CYP39A1: variants seen among roughly 807,000 people sequenced by gnomAD.
The protein encoded by CYP39A1 is cytochrome P450 family 39 subfamily A member 1.
CYP39A1 carries 49 observed loss-of-function variants against 58.1 expected under a neutral mutation model. The observed-to-expected ratio is 0.84, with a 90% CI of 0.67 to 1.07. The LOEUF is 1.07. Ranked by LOEUF, CYP39A1 falls within the 50% of genes least tolerant of loss-of-function variation. CYP39A1 has a pLI of 0.00. For synonymous variants in CYP39A1, 209 were observed against 187.6 expected (o/e 1.11, Z -0.93); for missense variants, 531 against 539.4 (o/e 0.98, Z 0.16).
chr6:46,625,190 A>G (rs1775235490), intron 7 of CYP39A1, among the ~76,000 whole-genome samples: 1 of 152,202 alleles, frequency 6.6e-6, no homozygotes, highest in Non-Finnish European at 1.5e-5. Context: ...CAATCTCTAT[A>G]GCACTGATTT....
intron 7 of CYP39A1, among the ~76,000 whole-genome samples, chr6:46,608,547 TACTC>T (rs941418461): frequency 1.1e-3 from 172 of 152,254 alleles, no homozygotes; most frequent in African/African-American, 4.0e-3. Flanking sequence ...ATAAAATATA[TACTC>T]ACTCTTACGG....
intron 10 of CYP39A1, among the ~76,000 whole-genome samples, chr6:46,569,415 A>G (rs1561955881): frequency 6.6e-6 from 1 of 152,084 alleles, no homozygotes; most frequent in East Asian, 1.9e-4. Context: ...TATGTCAAAT[A>G]CAAGTAGCAG....
chr6:46,641,776 A>C (rs1019982399), intron 2 of CYP39A1, among the ~76,000 whole-genome samples: 3 of 152,218 alleles, frequency 2.0e-5, no homozygotes, highest in African/African-American at 7.2e-5. Flanking sequence ...ATGGAATTCT[A>C]GTTTCAGGGA....
In CYP39A1 at chr6:46,623,836, T is replaced by C. The variant is rs143818796; in HGVS notation, c.931+1582A>G. On this transcript the variant is annotated intron_variant, in intron 7 of 11. Transcript: ENST00000275016. ...CTGAGCTGCTACTAGATCTTATGTATGGATTATTGAATAGCTTCTGTATAA... is the reference window on the plus strand; with the variant it reads ...CTGAGCTGCTACTAGATCTTATGTACGGATTATTGAATAGCTTCTGTATAA... Among the ~76,000 whole-genome samples the C allele has an allele frequency of 2.4e-4, 37 of 152,226 alleles. No homozygotes were observed. In the East Asian group the frequency reaches 7.0e-3, roughly 29 times the overall value.
At chr6:46,622,801 C>T (rs1294762997) in intron 7 of CYP39A1, among the ~76,000 whole-genome samples, 2 of 152,050 alleles carry the variant, frequency 1.3e-5, no homozygotes, top group Admixed American at 6.6e-5. Context: ...TGGGGCTAAG[C>T]AAGCATCTTC....
intron 10 of CYP39A1, among the ~76,000 whole-genome samples, chr6:46,582,495 A>G (rs1772190176): frequency 6.6e-6 from 1 of 151,848 alleles, no homozygotes; most frequent in South Asian, 2.1e-4. Flanking sequence ...TAAGCACTTA[A>G]TTTTTTTTCT....
In CYP39A1 at chr6:46,622,013, T is replaced by C. The variant is rs1337799261; in HGVS notation, c.931+3405A>G. Among the ~76,000 whole-genome samples, 23 of 152,082 alleles carry C rather than the reference T, an allele frequency of 1.5e-4. 1 individual carries two copies. The highest frequency in any genetic ancestry group is 1.5e-3 in the Admixed American group (23 of 15,266). On this transcript the variant is annotated intron_variant, in intron 7 of 11. Coordinates refer to ENST00000275016, the MANE Select transcript of CYP39A1 (RefSeq NM_016593.5). ...GCATGGATGCTTCAAGACCTGAAAA[T>C]CAATTAATGTAAAACATTATAATAT... is the stretch of plus-strand genomic sequence containing the variant.
intron 10 of CYP39A1, among the ~76,000 whole-genome samples, chr6:46,559,559 GA>G (rs1770855706): frequency 6.6e-6 from 1 of 152,154 alleles, no homozygotes; most frequent in Non-Finnish European, 1.5e-5. Flanking sequence ...TAGTGCAGTG[GA>G]AAGTAAAGAG....
intron 7 of CYP39A1, among the ~76,000 whole-genome samples, chr6:46,604,697 C>T (rs1348883576): frequency 6.6e-6 from 1 of 152,086 alleles, no homozygotes; most frequent in Non-Finnish European, 1.5e-5. Context: ...TAAGAACTGG[C>T]TTTGAGAATT....
intron 5 of CYP39A1, among the ~76,000 whole-genome samples, chr6:46,632,193 A>G (rs1182919780): frequency 6.6e-6 from 1 of 152,188 alleles, no homozygotes; most frequent in African/African-American, 2.4e-5. Flanking sequence ...GCGTATTCAG[A>G]GAGTTAAAGG....
At chr6:46,560,703 A>T (rs1256859546) in intron 10 of CYP39A1, among the ~76,000 whole-genome samples, 2 of 151,952 alleles carry the variant, frequency 1.3e-5, no homozygotes, top group Admixed American at 6.6e-5. Context: ...TATAAGAGTC[A>T]TCATTATTTA....
chr6:46,565,013 C>A (rs1365578772), intron 10 of CYP39A1, among the ~76,000 whole-genome samples: 1 of 152,142 alleles, frequency 6.6e-6, no homozygotes, highest in Non-Finnish European at 1.5e-5. Context: ...TAATCTAGCA[C>A]CTGTGATTCT....
chr6:46,565,903 A>G (rs1429640507), intron 10 of CYP39A1, among the ~76,000 whole-genome samples: 4 of 152,158 alleles, frequency 2.6e-5, no homozygotes, highest in African/African-American at 9.7e-5. Flanking sequence ...AGATTTGAGC[A>G]TTTCCTCCTG....
In CYP39A1 at chr6:46,629,301, G is replaced by T. The variant is rs545832754; in HGVS notation, c.840+1662C>A. On this transcript the variant is annotated intron_variant, in intron 6 of 11. Coordinates refer to ENST00000275016, the MANE Select transcript of CYP39A1 (RefSeq NM_016593.5). ...GGCTTTGTGTGTCTTTCTTCCGGGGGATGTTTCTAACAAGATATTGAAAAA... is the reference window on the plus strand; with the variant it reads ...GGCTTTGTGTGTCTTTCTTCCGGGGTATGTTTCTAACAAGATATTGAAAAA... 7.8e-4 allele frequency among the ~76,000 whole-genome samples: 119 copies of T among 152,332 alleles called. 1 individual carries two copies. In the South Asian group the frequency reaches 0.024, roughly 31 times the overall value.
At chr6:46,585,075 G>T (rs746051012) in intron 10 of CYP39A1, among the ~76,000 whole-genome samples, 3 of 152,076 alleles carry the variant, frequency 2.0e-5, no homozygotes, top group African/African-American at 4.8e-5. Context: ...AGATACTATT[G>T]ATTGAGTTAC....
At chr6:46,606,754 T>C (rs578013173) in intron 7 of CYP39A1, among the ~76,000 whole-genome samples, 1 of 152,306 alleles carries the variant, frequency 6.6e-6, no homozygotes, top group South Asian at 2.1e-4. Context: ...ATACATAGTT[T>C]TAGGATTGCA....
intron 7 of CYP39A1, among the ~76,000 whole-genome samples, chr6:46,616,180 TTTCTTTC>T (rs1561994058): frequency 5.3e-5 from 2 of 37,820 alleles, no homozygotes; most frequent in Non-Finnish European, 5.1e-5. Context: ...TCTTTCTTTC[TTTCTTTC>T]TTCTTTCCCT....
At chr6:46,622,439 G>A (rs1298423573) in intron 7 of CYP39A1, among the ~76,000 whole-genome samples, 1 of 151,722 alleles carries the variant, frequency 6.6e-6, no homozygotes, top group Non-Finnish European at 1.5e-5. Context: ...ACCTTCCTCT[G>A]CCCCAATGTC....
chr6:46,610,613 G>A (rs912616307), intron 7 of CYP39A1, among the ~76,000 whole-genome samples: 4 of 152,044 alleles, frequency 2.6e-5, no homozygotes, highest in Non-Finnish European at 2.9e-5. Flanking sequence ...CCAAAGTGCC[G>A]GGATTACAGG....
Sources: gnomAD v4.1 joint callset for allele counts (sites outside exome capture counted in the v4.1 genomes callset) on GRCh38, gnomAD v4.1.1 for gene constraint, MANE v1.5 for transcripts, NCBI Gene and HGNC (gene_info 2026-07-23, HGNC 2026-07-21) for gene names.